DAAM1: variants seen among roughly 807,000 people sequenced by gnomAD.
The protein encoded by DAAM1 is disheveled-associated activator of morphogenesis 1.
A neutral mutation model predicts 130.0 loss-of-function variants in DAAM1; 52 were observed. The observed-to-expected ratio is 0.40, with a 90% CI of 0.32 to 0.50. DAAM1 has a LOEUF of 0.50. DAAM1 is among the 20% of genes least tolerant of loss of function. The pLI, the probability that DAAM1 is intolerant of heterozygous loss-of-function variation, is 0.61. For synonymous variants in DAAM1, 452 were observed against 444.5 expected (o/e 1.02, Z -0.21); for missense variants, 1,134 against 1,303.8 (o/e 0.87, Z 2.01).
At chr14:59,210,049 G>T (rs976895890) in intron 1 of DAAM1, among the ~76,000 whole-genome samples, 5 of 152,270 alleles carry the variant, frequency 3.3e-5, no homozygotes, top group African/African-American at 1.2e-4. Flanking sequence ...GGCTGAGGTG[G>T]GAGGATTGCT....
chr14:59,359,429 T>C lies in DAAM1; in HGVS notation c.2558T>C (p.Ile853Thr). The change falls in exon 21 of 25, where the codon ATT (isoleucine) becomes ACT (threonine). Residue 853 changes from isoleucine to threonine, a missense_variant. By Grantham distance (89) the Ile-to-Thr change is moderately conservative. Around this residue, in one of 3 missense-constraint regions of DAAM1, gnomAD observed 644 missense variants for 695.9 expected, o/e 0.93. Coordinates refer to ENST00000360909, the MANE Select transcript of DAAM1 (RefSeq NM_001270520.2). ...NITLLHYLIT[I>T]VENKYPSVLN... ...ACCCTTTTGCACTATCTCATCACTA[T>C]TGTGGAAAATAAGTACCCCAGTGTT... The C allele has an allele frequency of 1.9e-6, 3 of 1,613,812 alleles. No homozygotes were observed. Among genetic ancestry groups the C allele is most frequent in the Non-Finnish European group, 2.5e-6 (3 of 1,179,778 alleles).
intron 1 of DAAM1, among the ~76,000 whole-genome samples, chr14:59,190,526 G>A (rs756452971): frequency 1.3e-5 from 2 of 152,106 alleles, no homozygotes; most frequent in African/African-American, 4.8e-5. Flanking sequence ...AATTAATAAC[G>A]GCTGGAAGAC....
intron 1 of DAAM1, among the ~76,000 whole-genome samples, chr14:59,208,184 G>A (rs1315224025): frequency 6.6e-6 from 1 of 152,058 alleles, no homozygotes; most frequent in East Asian, 1.9e-4. Flanking sequence ...ACATGGTACT[G>A]AGAAATAAAA....
intron 1 of DAAM1, among the ~76,000 whole-genome samples, chr14:59,216,988 C>T (rs964254854): frequency 1.3e-5 from 2 of 152,014 alleles, no homozygotes; most frequent in Non-Finnish European, 2.9e-5. Context: ...CCCAAACACC[C>T]CAATATAGGA....
chr14:59,299,149 C>A (rs1486004948), intron 3 of DAAM1, among the ~76,000 whole-genome samples: 1 of 152,182 alleles, frequency 6.6e-6, no homozygotes, highest in Non-Finnish European at 1.5e-5. Flanking sequence ...CTGCATGTAG[C>A]TTTCCTGAAT....
intron 1 of DAAM1, among the ~76,000 whole-genome samples, chr14:59,258,599 G>A (rs1453625506): frequency 1.3e-5 from 2 of 152,216 alleles, no homozygotes; most frequent in Non-Finnish European, 2.9e-5. Flanking sequence ...AAGTGCTAGG[G>A]AAGTTAAGGT....
chr14:59,294,048 A>C (rs1428929805), intron 3 of DAAM1, among the ~76,000 whole-genome samples: 1 of 152,186 alleles, frequency 6.6e-6, no homozygotes, highest in Non-Finnish European at 1.5e-5. Context: ...GCTCTGTCAC[A>C]TTTCCCGTCT....
chr14:59,219,348 C>A (rs995445591), intron 1 of DAAM1, among the ~76,000 whole-genome samples: 1 of 152,112 alleles, frequency 6.6e-6, no homozygotes, highest in Non-Finnish European at 1.5e-5. Context: ...GGAAAACTTA[C>A]TCTATGATGA....
chr14:59,274,143 T>G (rs1594793239), intron 2 of DAAM1, among the ~76,000 whole-genome samples: 1 of 152,206 alleles, frequency 6.6e-6, no homozygotes, highest in Non-Finnish European at 1.5e-5. Flanking sequence ...GCAAACCAGA[T>G]TCCTGAAAAA....
chr14:59,295,805 G>A (rs1035167243), intron 3 of DAAM1, among the ~76,000 whole-genome samples: 1 of 152,182 alleles, frequency 6.6e-6, no homozygotes, highest in African/African-American at 2.4e-5. Context: ...AACTGGGAAG[G>A]GAAGCAGTGG....
intron 4 of DAAM1, among the ~76,000 whole-genome samples, chr14:59,316,637 T>C (rs1884806802): frequency 2.0e-5 from 3 of 152,240 alleles, no homozygotes; most frequent in Admixed American, 2.0e-4. Flanking sequence ...TCAGCATTTG[T>C]ATGAATATGC....
chr14:59,217,138 T>C (rs780038511), intron 1 of DAAM1, among the ~76,000 whole-genome samples: 17 of 152,076 alleles, frequency 1.1e-4, no homozygotes, highest in Non-Finnish European at 2.2e-4. Flanking sequence ...TGAGGTAGGG[T>C]AACCTGGCTC....
intron 15 of DAAM1, among the ~76,000 whole-genome samples, chr14:59,337,456 A>C (rs998033768): frequency 6.6e-6 from 1 of 152,242 alleles, no homozygotes; most frequent in Non-Finnish European, 1.5e-5. Flanking sequence ...AGTGCTGCTG[A>C]GACCAGTGAG....
intron 3 of DAAM1, among the ~76,000 whole-genome samples, chr14:59,306,320 A>G (rs1016697311): frequency 6.6e-6 from 1 of 152,184 alleles, no homozygotes; most frequent in Non-Finnish European, 1.5e-5. Flanking sequence ...CAACACCCAG[A>G]ATAGTGCTTA....
At position 59,371,332 on chromosome 14, in the gene DAAM1, ATG is replaced by A. The variant is rs1472815560; in HGVS notation, c.*2477_*2478del. On this transcript the variant is annotated 3_prime_UTR_variant, in exon 25 of 25. Transcript: ENST00000360909. The stretch of plus-strand genomic sequence containing the variant: ...TAGATAGTACTGAGAAAAAAAAAGT[ATG>A]TGTTATGAGACTGTACATGTTTTTT... 1.3e-5 allele frequency: 2 copies of A among 152,246 alleles called. No homozygotes were observed. Among genetic ancestry groups the A allele is most frequent in the East Asian group, 1.9e-4 (1 of 5,174 alleles). The allele number at this position is 152,246 out of a possible 1,614,324, so 9.4% of individuals were successfully genotyped here. A position where few individuals can be genotyped will look rare whatever the true frequency, so the allele number is the denominator to read the frequency against.
chr14:59,330,601 A>G lies in DAAM1; in HGVS notation c.1473A>G (p.Lys491=). ...TGATGCAGACCTTAAATAAAATGAA[A>G]GAGAAACTTGAAAAGGAGACTACTG... ...EEMMQTLNKM[K]EKLEKETTEH... The change falls in exon 13 of 25, where the codon AAA becomes AAG. Residue 491 remains lysine, a synonymous_variant. Coordinates refer to ENST00000360909, the MANE Select transcript of DAAM1 (RefSeq NM_001270520.2). 1 of 1,614,126 alleles carries G rather than the reference A, an allele frequency of 6.2e-7. No individual in the cohort carries two copies. Among genetic ancestry groups the G allele is most frequent in the East Asian group, 2.2e-5 (1 of 44,860 alleles).
At chr14:59,319,906 A>C (rs1038908636) in intron 4 of DAAM1, among the ~76,000 whole-genome samples, 22 of 128,886 alleles carry the variant, frequency 1.7e-4, no homozygotes, top group African/African-American at 5.9e-4. Context: ...CTGCTCTAGC[A>C]GATCCCTGGG....
At chr14:59,235,657 T>C (rs1443210552) in intron 1 of DAAM1, among the ~76,000 whole-genome samples, 2 of 152,220 alleles carry the variant, frequency 1.3e-5, no homozygotes, top group African/African-American at 4.8e-5. Context: ...TGCTCTGATC[T>C]TAGTTATTTC....
rs774339250 is a variant in DAAM1, at chr14:59,360,873, T to G, written c.2694+11T>G. 6.8e-6 allele frequency: 11 copies of G among 1,612,522 alleles called. No individual in the cohort carries two copies. In the South Asian group the frequency reaches 1.2e-4, roughly 18 times the overall value. On this transcript the variant is annotated intron_variant, in intron 22 of 24. Coordinates refer to ENST00000360909, the MANE Select transcript of DAAM1 (RefSeq NM_001270520.2). ...AAAGCAGTAGAGACAGTGAGTATTT[T>G]TTTGTTGTTGTTCTAATTCCTGGTC...
Sources: gnomAD v4.1 joint callset for allele counts (sites outside exome capture counted in the v4.1 genomes callset) on GRCh38, gnomAD v4.1.1 for gene constraint, gnomAD v4.1.1 regional missense constraint, MANE v1.5 for transcripts, NCBI Gene and HGNC (gene_info 2026-07-23, HGNC 2026-07-21) for gene names.